KCNIP4: variants seen among roughly 807,000 people sequenced by gnomAD.
KCNIP4 encodes the protein Kv channel-interacting protein 4.
A neutral mutation model predicts 34.0 loss-of-function variants in KCNIP4; 12 were observed. That is an observed-to-expected ratio of 0.35 (90% CI 0.23 to 0.57). KCNIP4 has a LOEUF of 0.57. KCNIP4 is among the 20% of genes least tolerant of loss of function. The pLI is 0.83. For synonymous variants in KCNIP4, 124 were observed against 102.2 expected (o/e 1.21, Z -1.29); for missense variants, 238 against 311.7 (o/e 0.76, Z 1.78).
At chr4:21,834,995 C>G (rs1203179301) in intron 1 of KCNIP4, among the ~76,000 whole-genome samples, 1 of 151,932 alleles carries the variant, frequency 6.6e-6, no homozygotes, top group African/African-American at 2.4e-5. Context: ...TTCGATTTGC[C>G]AGTATTTTAT....
chr4:21,781,887 T>C (rs1269558441), intron 1 of KCNIP4, among the ~76,000 whole-genome samples: 1 of 152,084 alleles, frequency 6.6e-6, no homozygotes, highest in Non-Finnish European at 1.5e-5. Context: ...ACCAGTAAAC[T>C]TTATTAACTA....
intron 1 of KCNIP4, among the ~76,000 whole-genome samples, chr4:21,354,218 T>G (rs774137535): frequency 6.6e-6 from 1 of 152,072 alleles, no homozygotes; most frequent in Non-Finnish European, 1.5e-5. Context: ...AGACCATCGA[T>G]GCTATGAAGA....
chr4:20,817,509 T>C (rs569411276), intron 3 of KCNIP4, among the ~76,000 whole-genome samples: 4 of 152,284 alleles, frequency 2.6e-5, no homozygotes, highest in African/African-American at 9.6e-5. Context: ...TTTAAATTCC[T>C]GAATCAAATA....
intron 1 of KCNIP4, among the ~76,000 whole-genome samples, chr4:21,233,844 T>C (rs1758982664): frequency 7.6e-6 from 1 of 131,228 alleles, no homozygotes; most frequent in African/African-American, 3.3e-5. Context: ...TAATATATAT[T>C]ACACTATATA....
chr4:20,980,092 C>T (rs1277366784), intron 1 of KCNIP4, among the ~76,000 whole-genome samples: 1 of 152,198 alleles, frequency 6.6e-6, no homozygotes, highest in Non-Finnish European at 1.5e-5. Context: ...CTCTGGAGTC[C>T]TTTCCAGAAT....
At chr4:21,296,538 G>A (rs2109226657) in intron 1 of KCNIP4, among the ~76,000 whole-genome samples, 1 of 151,646 alleles carries the variant, frequency 6.6e-6, no homozygotes, top group Non-Finnish European at 1.5e-5. Flanking sequence ...ACAAGCAGGA[G>A]AGGGAGGTGC....
At chr4:21,722,936 T>A (rs1024740372) in intron 1 of KCNIP4, among the ~76,000 whole-genome samples, 1 of 152,166 alleles carries the variant, frequency 6.6e-6, no homozygotes, top group Non-Finnish European at 1.5e-5. Flanking sequence ...AGATTCTCCG[T>A]GTTAACAACA....
At chr4:21,914,810 A>G (rs1728535903) in intron 1 of KCNIP4, among the ~76,000 whole-genome samples, 1 of 152,116 alleles carries the variant, frequency 6.6e-6, no homozygotes, top group Non-Finnish European at 1.5e-5. Context: ...CATCACCTTC[A>G]AGGTTTACCA....
chr4:20,843,798 C>T (rs1720046944), intron 3 of KCNIP4, among the ~76,000 whole-genome samples: 1 of 152,118 alleles, frequency 6.6e-6, no homozygotes, highest in South Asian at 2.1e-4. Context: ...CTAAATGCCA[C>T]AGAATATATT....
chr4:21,786,164 G>A (rs28498449), intron 1 of KCNIP4, among the ~76,000 whole-genome samples: 17,412 of 152,218 alleles, frequency 0.11, 2,983 homozygotes, highest in African/African-American at 0.37. Context: ...GGCCAGGATG[G>A]TCTCGATCTG....
chr4:21,474,893 T>C (rs774579496), intron 1 of KCNIP4, among the ~76,000 whole-genome samples: 1 of 150,504 alleles, frequency 6.6e-6, no homozygotes, highest in Non-Finnish European at 1.5e-5. Context: ...ATCAGCTACT[T>C]AGGAGGCTGA....
At chr4:20,904,348 T>C (rs961333842) in intron 1 of KCNIP4, among the ~76,000 whole-genome samples, 4 of 148,834 alleles carry the variant, frequency 2.7e-5, no homozygotes, top group East Asian at 1.9e-4. Context: ...TATATATATA[T>C]ACAGATATAT....
At chr4:21,918,386 G>A (rs1728753657) in intron 1 of KCNIP4, among the ~76,000 whole-genome samples, 1 of 152,126 alleles carries the variant, frequency 6.6e-6, no homozygotes, top group African/African-American at 2.4e-5. Flanking sequence ...GATAAGATTG[G>A]ACAACTAGTT....
chr4:21,001,173 T>A (rs752555635), intron 1 of KCNIP4, among the ~76,000 whole-genome samples: 2 of 152,178 alleles, frequency 1.3e-5, no homozygotes, highest in Non-Finnish European at 2.9e-5. Flanking sequence ...TTTACCTTCA[T>A]GAATACACAT....
At chr4:21,057,235 G>T (rs1743488760) in intron 1 of KCNIP4, among the ~76,000 whole-genome samples, 1 of 152,096 alleles carries the variant, frequency 6.6e-6, no homozygotes. Context: ...AGTTCATATT[G>T]ATTTACAAAC....
intron 1 of KCNIP4, among the ~76,000 whole-genome samples, chr4:21,552,945 AT>A (rs1326907457): frequency 6.6e-6 from 1 of 152,084 alleles, no homozygotes; most frequent in Admixed American, 6.6e-5. Flanking sequence ...AGAACCTCCT[AT>A]TTCACATCCT....
chr4:21,008,756 T>C (rs1045606518), intron 1 of KCNIP4, among the ~76,000 whole-genome samples: 10 of 151,786 alleles, frequency 6.6e-5, no homozygotes, highest in Non-Finnish European at 1.2e-4. Flanking sequence ...GATCTCCTGA[T>C]CTGGTGATCC....
chr4:21,214,109 G>A (rs560929769), intron 1 of KCNIP4, among the ~76,000 whole-genome samples: 6 of 152,310 alleles, frequency 3.9e-5, no homozygotes, highest in African/African-American at 1.4e-4. Context: ...CATGAAGAGA[G>A]AACATGGAAG....
chr4:21,536,848 A>G lies in KCNIP4; in HGVS notation c.61+411723T>C, dbSNP rs183427476. Among the ~76,000 whole-genome samples the G allele has an allele frequency of 2.8e-3, 428 of 152,244 alleles. 1 individual carries two copies. The highest frequency in any genetic ancestry group is 5.2e-3 in the Non-Finnish European group (354 of 67,998). ...CTCTATATTAAAAAATAAAGCAAACAAAACGAACAGTGGATAATTACTTAC... is the reference window on the plus strand; with the variant it reads ...CTCTATATTAAAAAATAAAGCAAACGAAACGAACAGTGGATAATTACTTAC... On this transcript the variant is annotated intron_variant, in intron 1 of 8. Coordinates refer to ENST00000382152, the MANE Select transcript of KCNIP4 (RefSeq NM_025221.6).
Sources: gnomAD v4.1 joint callset for allele counts (sites outside exome capture counted in the v4.1 genomes callset) on GRCh38, gnomAD v4.1.1 for gene constraint, MANE v1.5 for transcripts, NCBI Gene and HGNC (gene_info 2026-07-23, HGNC 2026-07-21) for gene names.